Variants in SGCZ observed in about 807,000 individuals in gnomAD.
SGCZ encodes sarcoglycan zeta, also known as zeta-sarcoglycan.
SGCZ carries 40 observed loss-of-function variants against 41.3 expected under a neutral mutation model. The observed-to-expected ratio is 0.97, with a 90% CI of 0.75 to 1.26. The LOEUF is 1.26. Among genes scored for constraint, SGCZ ranks in the 50% most tolerant of loss-of-function variants. SGCZ has a pLI of 0.00. For synonymous variants in SGCZ, 206 were observed against 137.5 expected, an observed-to-expected ratio of 1.50 and a Z score of -3.49; for missense variants, 552 against 369.8, an observed-to-expected ratio of 1.49 and a Z score of -4.04.
chr8:14,809,582 A>C (rs533652205), intron 1 of SGCZ, among the ~76,000 whole-genome samples: 1 of 152,296 alleles, frequency 6.6e-6, no homozygotes, highest in South Asian at 2.1e-4. Context: ...ATCAAATTAT[A>C]ACATTATTTT....
chr8:14,986,050 GC>G (rs143386050), intron 1 of SGCZ, among the ~76,000 whole-genome samples: 3,627 of 151,976 alleles, frequency 0.024, 78 homozygotes, highest in South Asian at 0.097. Context: ...TTGATATTAT[GC>G]ATTACAGTAA....
intron 2 of SGCZ, among the ~76,000 whole-genome samples, chr8:14,492,404 A>T (rs1423212012): frequency 2.0e-5 from 3 of 152,194 alleles, no homozygotes; most frequent in Admixed American, 6.5e-5. Context: ...TTATTATAAC[A>T]CTTAAACCTG....
At chr8:14,137,881 G>T (rs1004280121) in intron 5 of SGCZ, among the ~76,000 whole-genome samples, 7 of 152,134 alleles carry the variant, frequency 4.6e-5, no homozygotes, top group South Asian at 2.1e-4. Context: ...ATAATTGTCA[G>T]ATTCACCAAA....
intron 1 of SGCZ, among the ~76,000 whole-genome samples, chr8:14,752,662 G>A (rs1326387020): frequency 1.3e-5 from 2 of 152,130 alleles, no homozygotes; most frequent in Non-Finnish European, 2.9e-5. Context: ...CTAGTAAAAT[G>A]TATCATATCT....
At chr8:15,148,787 T>C (rs565262539) in intron 1 of SGCZ, among the ~76,000 whole-genome samples, 2 of 152,308 alleles carry the variant, frequency 1.3e-5, no homozygotes, top group South Asian at 4.1e-4. Context: ...GGATGTGGGT[T>C]GCCATAACAA....
At chr8:14,177,958 C>CTTTTCTTTTTTTTTCTTTTTTTTTTTTT (rs767919994) in intron 4 of SGCZ, among the ~76,000 whole-genome samples, 10 of 95,050 alleles carry the variant, frequency 1.1e-4, no homozygotes, top group Non-Finnish European at 1.7e-4. Flanking sequence ...CTTTTTTTTT[C>CTTTTCTTTTTTTTTCTTTTTTTTTTTTT]TTTTTTTTTT....
intron 2 of SGCZ, among the ~76,000 whole-genome samples, chr8:14,478,478 G>A (rs1801426405): frequency 1.3e-5 from 2 of 152,256 alleles, no homozygotes; most frequent in South Asian, 4.1e-4. Flanking sequence ...TTCCAAGAAA[G>A]GCCAAACTAT....
At chr8:14,399,432 A>G (rs530505048) in intron 2 of SGCZ, among the ~76,000 whole-genome samples, 1 of 152,112 alleles carries the variant, frequency 6.6e-6, no homozygotes, top group South Asian at 2.1e-4. Flanking sequence ...GACAGGCTGG[A>G]CTTCTGTTTT....
At chr8:14,334,747 C>G (rs1802453674) in intron 2 of SGCZ, among the ~76,000 whole-genome samples, 1 of 152,064 alleles carries the variant, frequency 6.6e-6, no homozygotes, top group Non-Finnish European at 1.5e-5. Context: ...ACGAAGCCAT[C>G]TGAACAAACT....
At chr8:15,136,407 G>A (rs182047187) in intron 1 of SGCZ, among the ~76,000 whole-genome samples, 1 of 151,870 alleles carries the variant, frequency 6.6e-6, no homozygotes, top group Admixed American at 6.6e-5. Context: ...AGAGGCATGA[G>A]CTTACAGATG....
intron 2 of SGCZ, among the ~76,000 whole-genome samples, chr8:14,380,988 A>C (rs1804340231): frequency 6.6e-6 from 1 of 152,244 alleles, no homozygotes; most frequent in South Asian, 2.1e-4. Context: ...AATCGTTCTT[A>C]GCATATTCTT....
At chr8:14,394,100 C>CTG (rs1411364800) in intron 2 of SGCZ, among the ~76,000 whole-genome samples, 1 of 149,820 alleles carries the variant, frequency 6.7e-6, no homozygotes, top group East Asian at 2.0e-4. Flanking sequence ...ATGACTACTG[C>CTG]TGTGTCCTGA....
chr8:15,024,163 C>T (rs1250179196), intron 1 of SGCZ, among the ~76,000 whole-genome samples: 1 of 152,136 alleles, frequency 6.6e-6, no homozygotes, highest in East Asian at 1.9e-4. Flanking sequence ...ATGATTTCAA[C>T]TATGGACTTT....
intron 2 of SGCZ, among the ~76,000 whole-genome samples, chr8:14,466,484 G>A (rs1801054014): frequency 6.6e-6 from 1 of 151,876 alleles, no homozygotes; most frequent in Non-Finnish European, 1.5e-5. Context: ...GAGCCACTGA[G>A]CTCCTTGGAT....
At chr8:14,595,336 A>G (rs966366442) in intron 1 of SGCZ, among the ~76,000 whole-genome samples, 3 of 152,032 alleles carry the variant, frequency 2.0e-5, no homozygotes, top group African/African-American at 7.3e-5. Context: ...TTACCAAAAC[A>G]AGTGCATATG....
chr8:14,584,555 G>A (rs886595993), intron 1 of SGCZ, among the ~76,000 whole-genome samples: 2 of 152,114 alleles, frequency 1.3e-5, no homozygotes, highest in Admixed American at 6.6e-5. Flanking sequence ...GTGACATGAG[G>A]AAACAAGGTA....
At chr8:14,714,580 T>C (rs1287876431) in intron 1 of SGCZ, among the ~76,000 whole-genome samples, 1 of 152,186 alleles carries the variant, frequency 6.6e-6, no homozygotes, top group Non-Finnish European at 1.5e-5. Context: ...CCAATAATAA[T>C]GTCAAGTTTT....
chr8:14,653,417 C>A (rs373111712), intron 1 of SGCZ, among the ~76,000 whole-genome samples: 1 of 152,172 alleles, frequency 6.6e-6, no homozygotes, highest in East Asian at 1.9e-4. Flanking sequence ...TAGTGCTTAG[C>A]CCATATATTT....
At chr8:14,647,169 TA>T in intron 1 of SGCZ, among the ~76,000 whole-genome samples, 1 of 152,170 alleles carries the variant, frequency 6.6e-6, no homozygotes, top group African/African-American at 2.4e-5. Flanking sequence ...GAAAATGTTT[TA>T]GTACAGATAC....
Sources: allele counts gnomAD v4.1 joint callset (sites outside exome capture counted in the v4.1 genomes callset), GRCh38; gene constraint gnomAD v4.1.1; transcripts MANE v1.5; gene names NCBI Gene and HGNC (gene_info 2026-07-23, HGNC 2026-07-21).